RERE: variants seen among roughly 807,000 people sequenced by gnomAD.
RERE encodes the protein arginine-glutamic acid dipeptide repeats protein.
In RERE, 40 loss-of-function variants were observed where a neutral mutation model predicts 146.1. That is an observed-to-expected ratio of 0.27 (90% confidence interval 0.21 to 0.36). RERE has a LOEUF of 0.36. Among genes scored for constraint, RERE ranks in the 10% least tolerant of loss-of-function variants. The pLI, the probability that RERE is intolerant of heterozygous loss-of-function variation, is 1.00. For synonymous variants in RERE, 1,003 were observed against 866.0 expected (o/e 1.16, Z -2.78); for missense variants, 1,933 against 2,138.7 (o/e 0.90, Z 1.90).
intron 4 of RERE, among the ~76,000 whole-genome samples, chr1:8,566,616 C>T (rs1646156005): frequency 6.6e-6 from 1 of 151,644 alleles, no homozygotes. Flanking sequence ...AAGACTCTGT[C>T]TCCAAAACAA....
chr1:8,643,456 T>C (rs986606752), intron 2 of RERE, among the ~76,000 whole-genome samples: 3 of 152,186 alleles, frequency 2.0e-5, no homozygotes, highest in Non-Finnish European at 4.4e-5. Flanking sequence ...GAAGACCACA[T>C]ATTCAGCAAA....
At chr1:8,430,604 T>A (rs1310325104) in intron 11 of RERE, among the ~76,000 whole-genome samples, 1 of 152,166 alleles carries the variant, frequency 6.6e-6, no homozygotes, top group East Asian at 1.9e-4. Flanking sequence ...CATCCCAACT[T>A]GGGCACTGAC....
At chr1:8,551,738 G>T (rs1380067605) in intron 6 of RERE, among the ~76,000 whole-genome samples, 1 of 152,124 alleles carries the variant, frequency 6.6e-6, no homozygotes, top group African/African-American at 2.4e-5. Flanking sequence ...GTGTGTGTTT[G>T]GTTCAGGATT....
intron 1 of RERE, among the ~76,000 whole-genome samples, chr1:8,711,763 C>G (rs1430583101): frequency 1.3e-5 from 2 of 152,056 alleles, no homozygotes; most frequent in South Asian, 2.1e-4. Flanking sequence ...TTAAGGATAA[C>G]TCAAAACCAC....
At chr1:8,509,430 A>ATCCGTCCGTCCG (rs1204405208) in intron 7 of RERE, among the ~76,000 whole-genome samples, 6 of 87,196 alleles carry the variant, frequency 6.9e-5, no homozygotes, top group African/African-American at 1.5e-4. Flanking sequence ...CCATCCATCC[A>ATCCGTCCGTCCG]TCCATCCGTC....
rs115276077 is a variant in RERE, at chr1:8,801,818, G to A, written c.-145+15342C>T. Among the ~76,000 whole-genome samples the A allele has an allele frequency of 2.5e-3, 388 of 152,270 alleles. 3 individuals are homozygous for A. Among genetic ancestry groups the A allele is most frequent in the African/African-American group, 8.9e-3 (368 of 41,552 alleles). ...ATCCTATACACATACTTGTACAATA[G>A]TACAACAGTACAGATATGAGGATGC... On this transcript the variant is annotated intron_variant, in intron 1 of 22. Coordinates refer to ENST00000400908, the MANE Select transcript of RERE (RefSeq NM_001042681.2).
chr1:8,470,963 C>T (rs866338675), intron 10 of RERE, among the ~76,000 whole-genome samples: 7 of 151,148 alleles, frequency 4.6e-5, no homozygotes, highest in Admixed American at 2.6e-4. Flanking sequence ...GGACTACAGG[C>T]GCGCCACCAC....
At chr1:8,562,937 T>C (rs1646096606) in intron 4 of RERE, among the ~76,000 whole-genome samples, 1 of 152,154 alleles carries the variant, frequency 6.6e-6, no homozygotes, top group Non-Finnish European at 1.5e-5. Context: ...CTACACATCT[T>C]TGAATAACAG....
intron 4 of RERE, among the ~76,000 whole-genome samples, chr1:8,590,339 C>G (rs1429303982): frequency 6.6e-6 from 1 of 152,064 alleles, no homozygotes; most frequent in Non-Finnish European, 1.5e-5. Context: ...AGGGATACAG[C>G]ACAAAGCCAT....
At chr1:8,680,212 G>A (rs1373741090) in intron 1 of RERE, among the ~76,000 whole-genome samples, 1 of 151,858 alleles carries the variant, frequency 6.6e-6, no homozygotes, top group African/African-American at 2.4e-5. Context: ...TGATTTTTTG[G>A]TTATTACTTC....
At position 8,501,616 on chromosome 1, in the gene RERE, G is replaced by A. The variant is rs1180849361; in HGVS notation, c.880-4087C>T. On this transcript the variant is annotated intron_variant, in intron 8 of 22. Transcript: ENST00000400908. ...CAGCCGCCCCGTCCGGGAGGGAGGT[G>A]GGGGGTCAGCCCCCCGCCCGGCCAG... 4.7e-5 allele frequency among the ~76,000 whole-genome samples: 6 copies of A among 127,924 alleles called. No individual in the cohort carries two copies. The East Asian group carries it at 1.1e-3, about 23-fold the overall frequency. 83.9% of individuals were successfully genotyped at this position (127,924 alleles called of 152,430 possible).
intron 7 of RERE, among the ~76,000 whole-genome samples, chr1:8,532,475 C>A (rs1205500013): frequency 6.6e-6 from 1 of 152,098 alleles, no homozygotes; most frequent in East Asian, 1.9e-4. Context: ...GGCTGGAGTG[C>A]AATGGCACAA....
chr1:8,493,088 A>G (rs982861370), intron 10 of RERE, among the ~76,000 whole-genome samples: 1 of 152,202 alleles, frequency 6.6e-6, no homozygotes, highest in African/African-American at 2.4e-5. Flanking sequence ...TTGCCTCAAG[A>G]AAAAACAACA....
intron 1 of RERE, among the ~76,000 whole-genome samples, chr1:8,814,814 G>T (rs566891765): frequency 2.0e-4 from 31 of 152,312 alleles, no homozygotes; most frequent in African/African-American, 7.5e-4. Context: ...TAAAAGATGA[G>T]AAGGTATCAT....
intron 1 of RERE, among the ~76,000 whole-genome samples, chr1:8,673,461 A>G (rs982974846): frequency 1.3e-5 from 2 of 151,824 alleles, no homozygotes; most frequent in Admixed American, 1.3e-4. Context: ...CAGACAATAC[A>G]CTCCAGTCCT....
At chr1:8,596,549 C>T (rs1646557100) in intron 4 of RERE, among the ~76,000 whole-genome samples, 1 of 152,136 alleles carries the variant, frequency 6.6e-6, no homozygotes, top group African/African-American at 2.4e-5. Flanking sequence ...CTCTGTTACC[C>T]AGGCTGGGGT....
At position 8,547,699 on chromosome 1, in the gene RERE, T is replaced by C. The variant is rs370255820; in HGVS notation, c.726-6381A>G. Among the ~76,000 whole-genome samples, 86 of 152,280 alleles carry C rather than the reference T, an allele frequency of 5.6e-4. 1 individual carries two copies. The South Asian group carries it at 6.0e-3, about 11-fold the overall frequency. On this transcript the variant is annotated intron_variant, in intron 6 of 22. Coordinates refer to ENST00000400908, the MANE Select transcript of RERE (RefSeq NM_001042681.2). ...GATAACACTTCTCACCTATCAGACT[T>C]GTAAAAATTTAAAAAGACAAAACAT...
chr1:8,607,148 C>T lies in RERE; in HGVS notation c.522+7413G>A, dbSNP rs572872110. On this transcript the variant is annotated intron_variant, in intron 4 of 22. Coordinates refer to ENST00000400908, the MANE Select transcript of RERE (RefSeq NM_001042681.2). ...GACTGAGGCAGGTGAATTCTTTGAG[C>T]CCAAGAGTTCGAGACCAGCCTGGGC... Among the ~76,000 whole-genome samples, 8 of 152,052 alleles carry T rather than the reference C, an allele frequency of 5.3e-5. No homozygotes were observed. The East Asian group carries it at 1.5e-3, about 29-fold the overall frequency.
chr1:8,404,650 C>A (rs1362955558), intron 12 of RERE, among the ~76,000 whole-genome samples: 3 of 152,202 alleles, frequency 2.0e-5, no homozygotes, highest in African/African-American at 7.2e-5. Context: ...TAATTGTTGA[C>A]TAAACTACTT....
Sources: allele counts gnomAD v4.1 joint callset (sites outside exome capture counted in the v4.1 genomes callset), GRCh38; gene constraint gnomAD v4.1.1; transcripts MANE v1.5; gene names NCBI Gene and HGNC (gene_info 2026-07-23, HGNC 2026-07-21).